WDR62: variants seen among roughly 807,000 people sequenced by gnomAD.
WDR62 encodes the protein WD repeat domain 62.
In WDR62, 112 loss-of-function variants were observed where a neutral mutation model predicts 160.6. The ratio of observed to expected loss-of-function variants is 0.70; its 90% CI spans 0.60 to 0.82. WDR62 has a LOEUF of 0.82. Among genes scored for constraint, WDR62 ranks in the 40% least tolerant of loss-of-function variants. The pLI, the probability that WDR62 is intolerant of heterozygous loss-of-function variation, is 0.00. For synonymous variants in WDR62, 792 were observed against 815.1 expected (o/e 0.97, Z 0.48); for missense variants, 1,819 against 1,983.8 (o/e 0.92, Z 1.58).
chr19:36,087,479 C>T (rs1327213004), intron 13 of WDR62, among the ~76,000 whole-genome samples: 1 of 149,792 alleles, frequency 6.7e-6, no homozygotes, highest in Non-Finnish European at 1.5e-5. Context: ...TGACTCCACT[C>T]CAGCTTGGGT....
In WDR62 at chr19:36,081,594, A is replaced by G. The variant is rs756457184; in HGVS notation, c.1371+24A>G. 1.9e-6 allele frequency: 3 copies of G among 1,614,056 alleles called. No individual in the cohort carries two copies. In the African/African-American group the frequency reaches 4.0e-5, roughly 22 times the overall value. ...ATGTGAGTGGCTTCCTTTGTGAACCATCTTTCAGGAGGAACAAAGACCTAC... is the reference window on the plus strand; with the variant it reads ...ATGTGAGTGGCTTCCTTTGTGAACCGTCTTTCAGGAGGAACAAAGACCTAC... On this transcript the variant is annotated intron_variant, in intron 10 of 31. Coordinates refer to ENST00000401500, the MANE Select transcript of WDR62 (RefSeq NM_001083961.2).
chr19:36,098,563 C>CA (rs753131216), intron 21 of WDR62, among the ~76,000 whole-genome samples: 6,205 of 98,594 alleles, frequency 0.063, 228 homozygotes, highest in East Asian at 0.3. Context: ...GACTCCCTCT[C>CA]AAAAAAAAAA....
chr19:36,082,015 T>G, intron 10 of WDR62: 1 of 366,748 alleles, frequency 2.7e-6, no homozygotes, highest in Non-Finnish European at 5.4e-6. Flanking sequence ...GCTGAGGAAA[T>G]TTTGGTTAGT....
At chr19:36,078,903 C>CT (rs550885984) in intron 9 of WDR62, among the ~76,000 whole-genome samples, 17,441 of 129,410 alleles carry the variant, frequency 0.13, 1,364 homozygotes, top group Middle Eastern at 0.26. Context: ...TTCTGCTGTG[C>CT]TTTTTTTTTT....
In WDR62 at chr19:36,073,342, C is replaced by G; in HGVS notation, c.1044C>G (p.Ser348Arg). ...TTGATTACCCATGTGGCCTTGTTAG[C>G]TTCCTCTTCCACAGGAAGGCGGAAG... ...GVDVAQGLEPSFLFHRKAEAV... is the reference protein window; with the variant it reads ...GVDVAQGLEPRFLFHRKAEAV... The change falls in exon 9 of 32, where the codon AGC becomes AGG. Residue 348 changes from serine (S) to arginine (R), a missense_variant and splice_region_variant. This residue lies in a region of WDR62 where 934 missense variants were observed against 1,157.2 expected (regional missense o/e 0.81). Transcript: ENST00000401500. 1.2e-6 allele frequency: 2 copies of G among 1,614,140 alleles called. No individual in the cohort carries two copies. The highest frequency in any genetic ancestry group is 1.7e-6 in the Non-Finnish European group (2 of 1,180,012).
intron 10 of WDR62, among the ~76,000 whole-genome samples, chr19:36,082,116 A>G (rs1278568406): frequency 6.6e-6 from 1 of 152,238 alleles, no homozygotes; most frequent in Non-Finnish European, 1.5e-5. Context: ...CGTCCATGCC[A>G]GGTGCTTGGC....
In WDR62 at chr19:36,101,443, C is replaced by T. The variant is rs75234092; in HGVS notation, c.2971+126C>T. 1.7e-3 allele frequency: 1,580 copies of T among 948,674 alleles called. 21 individuals carry two copies. The African/African-American group carries it at 0.023, about 14-fold the overall frequency. 58.8% of individuals were successfully genotyped at this position (948,674 alleles called of 1,614,324 possible). ...GTCTGTCGAGGAAGACACATGTGGT[C>T]CCTGCTGCTGCCTGAGGATTCTGGG... On this transcript the variant is annotated intron_variant, in intron 24 of 31. Coordinates refer to ENST00000401500, the MANE Select transcript of WDR62 (RefSeq NM_001083961.2).
chr19:36,064,977 A>G (rs1239676194), intron 3 of WDR62, among the ~76,000 whole-genome samples: 4 of 152,118 alleles, frequency 2.6e-5, no homozygotes, highest in African/African-American at 9.7e-5. Context: ...TCGTGTGCGT[A>G]TTTCAGGAGG....
downstream of WDR62, among the ~76,000 whole-genome samples, chr19:36,109,000 T>C (rs1973758725): frequency 6.6e-6 from 1 of 152,170 alleles, no homozygotes; most frequent in East Asian, 1.9e-4. Flanking sequence ...AGTCTCATTT[T>C]CCAGGTGAAG....
intron 11 of WDR62, 124 bp from the exon 12 acceptor site, chr19:36,084,529 A>T: frequency 1.2e-6 from 1 of 846,074 alleles, no homozygotes. Context: ...GTGCATGTCT[A>T]GAGTATTTGG....
Position 36,083,131 on chromosome 19 carries a change from C to G in WDR62, c.1440C>G (p.Asp480Glu), listed in dbSNP as rs1462924593. 6.2e-7 allele frequency: 1 copy of G among 1,613,672 alleles called. No homozygotes were observed. The highest frequency in any genetic ancestry group is 2.2e-5 in the East Asian group (1 of 44,896). Residue 480 changes from aspartate (D) to glutamate (E), a missense_variant, in exon 11 of 32, where the codon GAC becomes GAG. By Grantham distance (45) the Asp-to-Glu change is conservative. Coordinates refer to ENST00000401500, the MANE Select transcript of WDR62 (RefSeq NM_001083961.2). ...TGCAGGACATGTCACACTTCCCAGA[C>G]CGGGGGAGCGAGAATGGGACACCCA... ...QHLQDMSHFP[D>E]RGSENGTPMD...
chr19:36,098,408 T>C (rs1973107187), intron 21 of WDR62, among the ~76,000 whole-genome samples: 1 of 149,126 alleles, frequency 6.7e-6, no homozygotes, highest in African/African-American at 2.5e-5. Context: ...CTACTAAAAA[T>C]ACAAAAATTA....
chr19:36,094,279 T>G lies in WDR62; in HGVS notation c.2467+115T>G. ...TATTAAAACTCAGGAGTCGACAGGG[T>G]GCGGTGGCTGATACCTGTAATCCCA... On this transcript the variant is annotated intron_variant, in intron 20 of 31. Transcript: ENST00000401500. 1.2e-5 allele frequency: 16 copies of G among 1,357,826 alleles called. No individual in the cohort carries two copies. In the South Asian group the frequency reaches 1.9e-4, roughly 16 times the overall value. 84.1% of individuals were successfully genotyped at this position (1,357,826 alleles called of 1,614,324 possible).
At chr19:36,088,807 T>G (rs1400821976) in intron 13 of WDR62, among the ~76,000 whole-genome samples, 1 of 152,238 alleles carries the variant, frequency 6.6e-6, no homozygotes, top group East Asian at 1.9e-4. Context: ...TGTTTCTCTA[T>G]ATGCCCTTGC....
chr19:36,061,460 T>G (rs1223607732), intron 3 of WDR62: 1 of 152,222 alleles, frequency 6.6e-6, no homozygotes, highest in African/African-American at 2.4e-5. Context: ...ATTTCAAGTT[T>G]TTTAACACAA....
intron 9 of WDR62, among the ~76,000 whole-genome samples, chr19:36,076,696 A>AG (rs397787564): frequency 1.3e-5 from 1 of 78,308 alleles, no homozygotes; most frequent in Non-Finnish European, 3.2e-5. Context: ...GTTCTTAAGG[A>AG]CACAGGGGAT....
Position 36,103,276 on chromosome 19 carries a change from G to A in WDR62, c.3515-67G>A, listed in dbSNP as rs115804051. 2,169 of 1,611,900 alleles carry A rather than the reference G, an allele frequency of 1.3e-3. 31 individuals are homozygous for A. The African/African-American group carries it at 0.027, about 20-fold the overall frequency. The stretch of plus-strand genomic sequence containing the variant: ...GAGTGGCCGGATGTCCAGCCTAGCT[G>A]TGGGGCGTGGGGGCCCTAGCCATCA... On this transcript the variant is annotated intron_variant, in intron 29 of 31. Transcript: ENST00000401500.
intron 1 of WDR62, among the ~76,000 whole-genome samples, chr19:36,055,926 T>C (rs1305418209): frequency 6.6e-6 from 1 of 152,164 alleles, no homozygotes. Context: ...CCCAGCACTT[T>C]GGGAGGCCAA....
At position 36,102,082 on chromosome 19, in the gene WDR62, C is replaced by A; in HGVS notation, c.3151C>A (p.Pro1051Thr). 6.2e-7 allele frequency: 1 copy of A among 1,614,184 alleles called. No homozygotes were observed. The highest frequency in any genetic ancestry group is 8.5e-7 in the Non-Finnish European group (1 of 1,180,036). ...ACCCAGCGTCCCCAGCAGCTCCCTA[C>A]CCCAGACTCCGGAGCAGGAGAAGTT... ...EGPSVPSSSL[P>T]QTPEQEKFLR... Residue 1051 changes from proline (P) to threonine (T), a missense_variant, in exon 26 of 32, where the codon CCC (proline) becomes ACC (threonine). Coordinates refer to ENST00000401500, the MANE Select transcript of WDR62 (RefSeq NM_001083961.2).
Sources: gnomAD v4.1 joint callset for allele counts (sites outside exome capture counted in the v4.1 genomes callset) on GRCh38, gnomAD v4.1.1 for gene constraint, gnomAD v4.1.1 regional missense constraint, MANE v1.5 for transcripts, NCBI Gene and HGNC (gene_info 2026-07-23, HGNC 2026-07-21) for gene names.